Variants in AK9 observed in about 807,000 individuals in gnomAD.
The protein encoded by AK9 is adenylate kinase domain containing 1.
AK9 carries 191 observed loss-of-function variants against 239.6 expected under a neutral mutation model. That is an observed-to-expected ratio of 0.80 (90% CI 0.71 to 0.90). The LOEUF (loss-of-function observed/expected upper bound fraction) is 0.90, where lower values mean the gene tolerates loss of function less well. Ranked by LOEUF, AK9 falls within the 40% of genes least tolerant of loss-of-function variation. The pLI is 0.00. For synonymous variants in AK9, 689 were observed against 721.0 expected (o/e 0.96, Z 0.71); for missense variants, 1,995 against 2,214.7 (o/e 0.90, Z 1.99).
At chr6:109,619,561 TTACA>T (rs1794580293) in intron 12 of AK9, among the ~76,000 whole-genome samples, 1 of 152,114 alleles carries the variant, frequency 6.6e-6, no homozygotes, top group South Asian at 2.1e-4. Flanking sequence ...TATGTATAAC[TTACA>T]TACAATAAAA....
chr6:109,560,308 T>C (rs1785585621), intron 24 of AK9, among the ~76,000 whole-genome samples: 1 of 152,188 alleles, frequency 6.6e-6, no homozygotes, highest in Admixed American at 6.5e-5. Flanking sequence ...ACCTTCAGTA[T>C]AGTGTTGAAT....
chr6:109,640,382 A>G (rs950624723), intron 10 of AK9, among the ~76,000 whole-genome samples: 1 of 152,094 alleles, frequency 6.6e-6, no homozygotes, highest in Admixed American at 6.5e-5. Context: ...GACCCCTTGC[A>G]CTTCCTGGGT....
At chr6:109,647,876 T>C (rs544498469) in intron 8 of AK9, among the ~76,000 whole-genome samples, 71 of 152,012 alleles carry the variant, frequency 4.7e-4, no homozygotes, top group Middle Eastern at 3.4e-3. Context: ...GAACAGAAAT[T>C]ATAACAAACT....
At chr6:109,527,224 C>A (rs1332062903) in intron 29 of AK9, among the ~76,000 whole-genome samples, 1 of 151,744 alleles carries the variant, frequency 6.6e-6, no homozygotes, top group African/African-American at 2.4e-5. Flanking sequence ...GAAATTAATG[C>A]AAGTAATGAC....
At chr6:109,682,105 G>A (rs901962873) in intron 1 of AK9, among the ~76,000 whole-genome samples, 2 of 152,094 alleles carry the variant, frequency 1.3e-5, no homozygotes, top group Non-Finnish European at 2.9e-5. Context: ...AACTGAAAGA[G>A]ATAGAGACAC....
intron 19 of AK9, among the ~76,000 whole-genome samples, chr6:109,581,467 G>A (rs1034080906): frequency 2.0e-5 from 3 of 152,164 alleles, no homozygotes; most frequent in Non-Finnish European, 2.9e-5. Context: ...CTATTGATAT[G>A]GAGAAAGTTT....
chr6:109,613,545 T>C (rs1012535243), intron 15 of AK9, among the ~76,000 whole-genome samples: 2 of 152,020 alleles, frequency 1.3e-5, no homozygotes, highest in African/African-American at 4.8e-5. Flanking sequence ...TCATATTTAT[T>C]AATTTAGTAG....
rs531149701 is a variant in AK9, at chr6:109,603,436, T to C, written c.1842+6929A>G. Among the ~76,000 whole-genome samples the C allele has an allele frequency of 2.0e-5, 3 of 152,298 alleles. No individual in the cohort carries two copies. The East Asian group carries it at 5.8e-4, about 29-fold the overall frequency. On this transcript the variant is annotated intron_variant, in intron 17 of 40. Transcript: ENST00000424296. ...CTGCCTGATTGTTCCTCTGGAAGCT[T>C]CGTCTCAGAGGGGTACCTGGCCGTG...
intron 9 of AK9, among the ~76,000 whole-genome samples, 175 bp from the exon 10 acceptor site, chr6:109,641,791 C>A (rs1797486567): frequency 1.3e-5 from 2 of 152,304 alleles, no homozygotes; most frequent in South Asian, 4.1e-4. Flanking sequence ...TCTTGGCTTG[C>A]ATCACTCCAA....
At chr6:109,524,410 T>C (rs931782129) in intron 29 of AK9, among the ~76,000 whole-genome samples, 1 of 152,002 alleles carries the variant, frequency 6.6e-6, no homozygotes, top group Non-Finnish European at 1.5e-5. Flanking sequence ...TCTAAAGAAA[T>C]AATGTCTAAA....
chr6:109,662,494 T>G (rs1199770155), intron 6 of AK9, 57 bp downstream of exon 6: 4 of 1,304,824 alleles, frequency 3.1e-6, no homozygotes, highest in Non-Finnish European at 4.0e-6. Flanking sequence ...TTCCTTGAAT[T>G]TAACTACTAT....
intron 17 of AK9, among the ~76,000 whole-genome samples, chr6:109,597,439 G>T (rs1310122697): frequency 2.0e-5 from 3 of 151,736 alleles, no homozygotes; most frequent in Non-Finnish European, 2.9e-5. Flanking sequence ...TTGGGAGGCC[G>T]AGGCGGGCAG....
intron 6 of AK9, 136 bp from the exon 7 acceptor site, chr6:109,659,549 G>A (rs1019371744): frequency 1.7e-6 from 2 of 1,148,742 alleles, no homozygotes; most frequent in Non-Finnish European, 2.3e-6. Flanking sequence ...TATTGTGACT[G>A]GCATTTTGCA....
chr6:109,663,183 T>C (rs1800670461), intron 5 of AK9, among the ~76,000 whole-genome samples: 1 of 152,222 alleles, frequency 6.6e-6, no homozygotes, highest in Admixed American at 6.5e-5. Context: ...AGTGCAGTTA[T>C]TGGCTTGTAT....
chr6:109,497,970 TAAA>T lies in AK9; in HGVS notation c.5047-8_5047-6del. 2 of 1,611,956 alleles carry T rather than the reference TAAA, an allele frequency of 1.2e-6. No individual in the cohort carries two copies. Among genetic ancestry groups the T allele is most frequent in the Non-Finnish European group, 1.7e-6 (2 of 1,178,478 alleles). ...TTCTGGGTTCTCCAAGAATTTCTAT[TAAA>T]AAAGAATTCCAGTAGCAACATGATT... is the stretch of plus-strand genomic sequence containing the variant. On this transcript the variant is annotated splice_region_variant and splice_polypyrimidine_tract_variant and intron_variant, in intron 36 of 40. Coordinates refer to ENST00000424296, the MANE Select transcript of AK9 (RefSeq NM_001145128.3).
chr6:109,568,858 A>G (rs903450720), intron 21 of AK9, among the ~76,000 whole-genome samples: 2 of 152,166 alleles, frequency 1.3e-5, no homozygotes, highest in African/African-American at 2.4e-5. Context: ...TACTGCCCAA[A>G]GTAATTTATA....
At chr6:109,665,775 T>G (rs1801102061) in intron 5 of AK9, among the ~76,000 whole-genome samples, 1 of 152,226 alleles carries the variant, frequency 6.6e-6, no homozygotes, top group Non-Finnish European at 1.5e-5. Flanking sequence ...CCTTGCCTTG[T>G]AAGCAAAAGC....
At chr6:109,496,276 A>T (rs9487127) in intron 38 of AK9, among the ~76,000 whole-genome samples, 2,575 of 152,310 alleles carry the variant, frequency 0.017, 70 homozygotes, top group African/African-American at 0.058. Context: ...GGCCGTGTGC[A>T]GTCCGGTTTG....
intron 19 of AK9, among the ~76,000 whole-genome samples, chr6:109,581,302 T>C (rs1157793262): frequency 6.6e-6 from 1 of 152,068 alleles, no homozygotes; most frequent in Non-Finnish European, 1.5e-5. Context: ...CTAAGCTTAG[T>C]GAGGAAGGTA....
Sources: allele counts gnomAD v4.1 joint callset (sites outside exome capture counted in the v4.1 genomes callset), GRCh38; gene constraint gnomAD v4.1.1; transcripts MANE v1.5; gene names NCBI Gene and HGNC (gene_info 2026-07-23, HGNC 2026-07-21).